SHC4: variants seen among roughly 807,000 people sequenced by gnomAD.
SHC4 encodes SHC adaptor protein 4.
A neutral mutation model predicts 69.4 loss-of-function variants in SHC4; 41 were observed. The ratio of observed to expected loss-of-function variants is 0.59; its 90% CI spans 0.46 to 0.77. SHC4 has a LOEUF of 0.77. SHC4 is among the 30% of genes least tolerant of loss of function. SHC4 has a pLI of 0.00. For missense variants in SHC4, 777 were observed against 783.8 expected, an observed-to-expected ratio of 0.99 and a Z score of 0.10; for synonymous variants, 318 against 299.3, an observed-to-expected ratio of 1.06 and a Z score of -0.64.
intron 6 of SHC4, among the ~76,000 whole-genome samples, chr15:48,859,162 A>G (rs1899387594): frequency 6.6e-6 from 1 of 152,226 alleles, no homozygotes; most frequent in Non-Finnish European, 1.5e-5. Context: ...GAATTTGTAG[A>G]GCTGATAACA....
intron 1 of SHC4, among the ~76,000 whole-genome samples, chr15:48,938,668 C>CT (rs1901118908): frequency 6.6e-6 from 1 of 151,734 alleles, no homozygotes. Flanking sequence ...CACCTTCAGC[C>CT]TTTTTGCTGA....
At chr15:48,939,796 G>T (rs1901141251) in intron 1 of SHC4, among the ~76,000 whole-genome samples, 1 of 152,244 alleles carries the variant, frequency 6.6e-6, no homozygotes, top group Admixed American at 6.5e-5. Flanking sequence ...AATCATAAAT[G>T]AGATGGAAGA....
At chr15:48,874,023 G>A (rs1899746593) in intron 4 of SHC4, among the ~76,000 whole-genome samples, 2 of 152,090 alleles carry the variant, frequency 1.3e-5, no homozygotes, top group East Asian at 1.9e-4. Context: ...GAATAAATGT[G>A]CAAGAACAGC....
intron 4 of SHC4, among the ~76,000 whole-genome samples, chr15:48,881,149 T>C (rs1321238089): frequency 3.9e-5 from 6 of 151,992 alleles, no homozygotes; most frequent in Admixed American, 1.3e-4. Context: ...TCCATACATA[T>C]TATAAATGTT....
chr15:48,890,070 C>T (rs954471460), intron 3 of SHC4, among the ~76,000 whole-genome samples: 9 of 152,168 alleles, frequency 5.9e-5, no homozygotes, highest in African/African-American at 1.7e-4. Context: ...GACATCACTT[C>T]GTTTATTTCT....
intron 10 of SHC4, among the ~76,000 whole-genome samples, chr15:48,837,160 G>C (rs955571680): frequency 6.6e-6 from 1 of 152,176 alleles, no homozygotes; most frequent in Non-Finnish European, 1.5e-5. Context: ...TTTGGACAAA[G>C]ACAAAACAAT....
At chr15:48,846,929 C>T (rs1299688854) in intron 9 of SHC4, among the ~76,000 whole-genome samples, 19 of 151,524 alleles carry the variant, frequency 1.3e-4, no homozygotes, top group Non-Finnish European at 2.1e-4. Flanking sequence ...CCAAAAACAT[C>T]GGTGTTTATA....
intron 1 of SHC4, among the ~76,000 whole-genome samples, chr15:48,954,196 C>T (rs1404684502): frequency 6.6e-6 from 1 of 152,184 alleles, no homozygotes; most frequent in Non-Finnish European, 1.5e-5. Context: ...TGCCCTCCAA[C>T]CACTAAAGGC....
intron 4 of SHC4, chr15:48,876,700 C>A: frequency 1.8e-6 from 1 of 566,648 alleles, no homozygotes; most frequent in South Asian, 2.1e-5. Flanking sequence ...CTAGGCCAGT[C>A]TCTCTTTTCA....
At chr15:48,907,653 T>C (rs1160275793) in intron 2 of SHC4, among the ~76,000 whole-genome samples, 1 of 151,694 alleles carries the variant, frequency 6.6e-6, no homozygotes, top group East Asian at 2.0e-4. Context: ...AGTGAGAACA[T>C]ACGATGTCTG....
intron 2 of SHC4, among the ~76,000 whole-genome samples, chr15:48,906,331 A>C (rs1900404599): frequency 6.6e-6 from 1 of 152,236 alleles, no homozygotes; most frequent in Non-Finnish European, 1.5e-5. Flanking sequence ...TAAATAGTCC[A>C]AAGAAATTGA....
intron 1 of SHC4, among the ~76,000 whole-genome samples, chr15:48,948,643 C>T (rs867889379): frequency 3.3e-5 from 5 of 152,210 alleles, no homozygotes; most frequent in African/African-American, 1.2e-4. Context: ...AAGTGGCTCA[C>T]GCCTGTAATC....
Position 48,866,744 on chromosome 15 carries a change from T to C in SHC4, c.946+1074A>G, listed in dbSNP as rs115030441. 8.7e-3 allele frequency among the ~76,000 whole-genome samples: 1,323 copies of C among 152,340 alleles called. 18 individuals carry two copies. The highest frequency in any genetic ancestry group is 0.03 in the African/African-American group (1,254 of 41,574). ...TGTACATTTCCACCTCGGTGTCTTA[T>C]AGCTCTCTAAATTTTCAAGTCCTAT... On this transcript the variant is annotated intron_variant, in intron 6 of 11. Coordinates refer to ENST00000332408, the MANE Select transcript of SHC4 (RefSeq NM_203349.4).
chr15:48,936,091 G>T (rs756659266), intron 1 of SHC4, among the ~76,000 whole-genome samples: 1 of 152,154 alleles, frequency 6.6e-6, no homozygotes, highest in Middle Eastern at 3.4e-3. Context: ...AGGGAGTGTT[G>T]TATCCCCAAC....
At chr15:48,913,291 G>T (rs931133555) in intron 2 of SHC4, among the ~76,000 whole-genome samples, 2 of 152,042 alleles carry the variant, frequency 1.3e-5, no homozygotes, top group Non-Finnish European at 2.9e-5. Context: ...GGGGATGTGG[G>T]TGGGGTTCCC....
At chr15:48,890,135 C>G (rs532383664) in intron 3 of SHC4, among the ~76,000 whole-genome samples, 55 of 152,204 alleles carry the variant, frequency 3.6e-4, no homozygotes, top group African/African-American at 1.3e-3. Flanking sequence ...ATGAGTAAAC[C>G]AAGGATCCAA....
chr15:48,875,561 T>C (rs1416917811), intron 4 of SHC4, among the ~76,000 whole-genome samples: 3 of 152,222 alleles, frequency 2.0e-5, no homozygotes, highest in African/African-American at 7.2e-5. Context: ...TGAGGCACAA[T>C]TGTTAGAAAG....
chr15:48,868,155 G>A (rs1899599215), intron 5 of SHC4, among the ~76,000 whole-genome samples: 1 of 152,176 alleles, frequency 6.6e-6, no homozygotes, highest in African/African-American at 2.4e-5. Flanking sequence ...AACATGTTAG[G>A]ACATATTCTT....
chr15:48,858,933 A>G (rs889043985), intron 6 of SHC4, among the ~76,000 whole-genome samples: 4 of 152,236 alleles, frequency 2.6e-5, no homozygotes, highest in African/African-American at 9.7e-5. Context: ...GAGTGCATGG[A>G]GAATCAGATT....
Sources: gnomAD v4.1 joint callset for allele counts (sites outside exome capture counted in the v4.1 genomes callset) on GRCh38, gnomAD v4.1.1 for gene constraint, MANE v1.5 for transcripts, NCBI Gene and HGNC (gene_info 2026-07-23, HGNC 2026-07-21) for gene names.